The following EBF1 variants were observed in gnomAD, a reference collection of about 807,000 sequenced individuals.
EBF1 encodes the protein EBF transcription factor 1, also known as transcription factor COE1.
A neutral mutation model predicts 68.4 loss-of-function variants in EBF1; 10 were observed. The observed-to-expected ratio is 0.15, with a 90% CI of 0.09 to 0.25. EBF1 has a LOEUF of 0.25. Ranked by LOEUF, EBF1 falls within the 10% of genes least tolerant of loss-of-function variation. The pLI is 1.00. For missense variants in EBF1, 509 were observed against 794.4 expected (o/e 0.64, Z 4.32); for synonymous variants, 298 against 299.8 (o/e 0.99, Z 0.06).
chr5:158,981,916 T>C (rs1262593907), intron 6 of EBF1, among the ~76,000 whole-genome samples: 3 of 152,216 alleles, frequency 2.0e-5, no homozygotes, highest in East Asian at 3.8e-4. Flanking sequence ...CATTGACTAA[T>C]GACTTCAAAT....
intron 5 of EBF1, among the ~76,000 whole-genome samples, chr5:159,075,280 C>A (rs887048842): frequency 6.6e-6 from 1 of 152,178 alleles, no homozygotes; most frequent in Non-Finnish European, 1.5e-5. Flanking sequence ...TCACCCCCTG[C>A]ACCTACCCTC....
intron 6 of EBF1, among the ~76,000 whole-genome samples, chr5:158,972,532 G>T (rs968544099): frequency 6.6e-6 from 1 of 152,164 alleles, no homozygotes; most frequent in Non-Finnish European, 1.5e-5. Flanking sequence ...TGGTCTTAAG[G>T]TTTCACTCAG....
intron 7 of EBF1, among the ~76,000 whole-genome samples, chr5:158,834,876 C>T (rs979402293): frequency 1.3e-5 from 2 of 152,198 alleles, no homozygotes; most frequent in East Asian, 3.8e-4. Flanking sequence ...GCGGCAGTGA[C>T]CACTGCACAG....
intron 8 of EBF1, among the ~76,000 whole-genome samples, chr5:158,805,935 G>A (rs1024145918): frequency 6.6e-6 from 1 of 151,884 alleles, no homozygotes. Context: ...TTTTCATTAA[G>A]ATTTCTATGT....
intron 10 of EBF1, among the ~76,000 whole-genome samples, chr5:158,743,756 T>G (rs543314649): frequency 6.6e-6 from 1 of 152,248 alleles, no homozygotes; most frequent in East Asian, 1.9e-4. Flanking sequence ...ACAGTGGCCA[T>G]TTAGCAGAAA....
At chr5:158,938,219 C>T (rs961418024) in intron 6 of EBF1, among the ~76,000 whole-genome samples, 4 of 152,178 alleles carry the variant, frequency 2.6e-5, no homozygotes, top group African/African-American at 9.7e-5. Context: ...TTAACATAGC[C>T]TCTGAATTAA....
chr5:159,051,459 C>G (rs945873588), intron 6 of EBF1, among the ~76,000 whole-genome samples: 2 of 143,238 alleles, frequency 1.4e-5, no homozygotes, highest in African/African-American at 5.2e-5. Flanking sequence ...CGCCGCCCGG[C>G]GGCTGACGGC....
chr5:159,075,324 C>A lies in EBF1; in HGVS notation c.486-1860G>T, dbSNP rs75472062. On this transcript the variant is annotated intron_variant, in intron 5 of 15. Coordinates refer to ENST00000313708, the MANE Select transcript of EBF1 (RefSeq NM_024007.5). ...CTTCCTCCTTCAAGTCCAGGCAAAT[C>A]TGCCCTGTGCTCTGCAGAAGCAGCA... is the stretch of plus-strand genomic sequence containing the variant. Among the ~76,000 whole-genome samples, 263 of 152,314 alleles carry A rather than the reference C, an allele frequency of 1.7e-3. 2 individuals carry two copies. The highest frequency in any genetic ancestry group is 5.7e-3 in the African/African-American group (236 of 41,568).
chr5:159,095,760 TAAC>T, intron 3 of EBF1, 85 bp from the exon 4 acceptor site: 2 of 1,436,034 alleles, frequency 1.4e-6, no homozygotes, highest in Non-Finnish European at 1.9e-6. Context: ...CAACAAAAAA[TAAC>T]AACAAAACCC....
chr5:158,791,589 T>C (rs572038490), intron 9 of EBF1, among the ~76,000 whole-genome samples: 2 of 151,920 alleles, frequency 1.3e-5, no homozygotes, highest in Non-Finnish European at 2.9e-5. Flanking sequence ...CTTTTTTTTT[T>C]AATTGACAGC....
chr5:158,861,252 T>C (rs1246782881), intron 6 of EBF1, among the ~76,000 whole-genome samples: 1 of 139,472 alleles, frequency 7.2e-6, no homozygotes, highest in Non-Finnish European at 1.5e-5. Flanking sequence ...ATGGCGTCTA[T>C]CAAATGCGGA....
intron 6 of EBF1, among the ~76,000 whole-genome samples, chr5:159,044,087 A>T (rs1584217640): frequency 6.6e-6 from 1 of 152,260 alleles, no homozygotes; most frequent in Non-Finnish European, 1.5e-5. Flanking sequence ...ATTGTTGAAT[A>T]AAACTGTATT....
At chr5:158,722,978 A>C (rs1420455364) in intron 11 of EBF1, among the ~76,000 whole-genome samples, 3 of 152,194 alleles carry the variant, frequency 2.0e-5, no homozygotes, top group Non-Finnish European at 2.9e-5. Context: ...CCCTGTATGC[A>C]GGGTATGATA....
intron 11 of EBF1, among the ~76,000 whole-genome samples, chr5:158,723,393 G>A (rs543822193): frequency 5.3e-5 from 8 of 152,188 alleles, no homozygotes; most frequent in South Asian, 4.2e-4. Flanking sequence ...TATTAGCAGC[G>A]TAAACACATG....
chr5:158,730,179 T>C (rs1303065765), intron 11 of EBF1, among the ~76,000 whole-genome samples: 2 of 152,256 alleles, frequency 1.3e-5, no homozygotes, highest in Non-Finnish European at 2.9e-5. Context: ...AATGAAGCTT[T>C]TTGCCGTCAG....
chr5:158,699,965 G>T lies in EBF1; in HGVS notation c.1745-823C>A, dbSNP rs185121117. On this transcript the variant is annotated intron_variant, in intron 15 of 15. Transcript: ENST00000313708. ...AGAACACAGAATCAGATAGGCCTGA[G>T]TCCCACCTCTGGCTTTTCTGCTGTG... Among the ~76,000 whole-genome samples the T allele has an allele frequency of 5.8e-4, 88 of 152,350 alleles. 1 individual carries two copies. The highest frequency in any genetic ancestry group is 5.7e-3 in the Admixed American group (88 of 15,308).
At chr5:158,864,932 C>T (rs1160207032) in intron 6 of EBF1, among the ~76,000 whole-genome samples, 1 of 152,160 alleles carries the variant, frequency 6.6e-6, no homozygotes, top group Non-Finnish European at 1.5e-5. Flanking sequence ...TGGTCCTTCC[C>T]ATATGAGCTG....
chr5:158,719,959 G>T (rs1761582798), intron 11 of EBF1, among the ~76,000 whole-genome samples: 1 of 152,076 alleles, frequency 6.6e-6, no homozygotes, highest in Admixed American at 6.5e-5. Flanking sequence ...AAGTCAAGTT[G>T]AGTTGGGTGA....
At chr5:158,855,816 C>T (rs1466627431) in intron 6 of EBF1, among the ~76,000 whole-genome samples, 1 of 152,202 alleles carries the variant, frequency 6.6e-6, no homozygotes, top group African/African-American at 2.4e-5. Context: ...TGTAGCATAA[C>T]ACATGAAAAC....
Sources: gnomAD v4.1 joint callset for allele counts (sites outside exome capture counted in the v4.1 genomes callset) on GRCh38, gnomAD v4.1.1 for gene constraint, MANE v1.5 for transcripts, NCBI Gene and HGNC (gene_info 2026-07-23, HGNC 2026-07-21) for gene names.